Variants in TRIM68 observed in about 807,000 individuals in gnomAD.
TRIM68 encodes tripartite motif containing 68.
In TRIM68, 36 loss-of-function variants were observed where a neutral mutation model predicts 41.9. The ratio of observed to expected loss-of-function variants is 0.86; its 90% CI spans 0.66 to 1.14. The LOEUF (loss-of-function observed/expected upper bound fraction) is 1.14. TRIM68 is among the 50% of genes most tolerant of loss of function. TRIM68 has a pLI of 0.00. For missense variants in TRIM68, 632 were observed against 605.1 expected (o/e 1.04, Z -0.47); for synonymous variants, 225 against 224.6 (o/e 1.00, Z -0.02).
rs759325314 is a variant in TRIM68, at chr11:4,602,281, C to T, written c.654G>A (p.Arg218=). The change falls in exon 4 of 7, where the codon CGG becomes CGA. Residue 218 remains arginine (R), a synonymous_variant. Transcript: ENST00000300747. ...GTTTCTGCATGGTCTCCGCTGCCTC[C>T]CGCTGTAGGCTGGCCAGAGCTGCTG... ...EVAAALASLQ[R]EAAETMQKLE... 2.6e-5 allele frequency: 42 copies of T among 1,614,032 alleles called. No individual in the cohort carries two copies. The highest frequency in any genetic ancestry group is 3.3e-5 in the Non-Finnish European group (39 of 1,180,018).
chr11:4,605,004 T>C (rs1436374270), intron 2 of TRIM68, 75 bp downstream of exon 2: 4 of 1,522,084 alleles, frequency 2.6e-6, no homozygotes, highest in East Asian at 4.5e-5. Flanking sequence ...GTGGTGCTGG[T>C]GGTCAAGCCC....
intron 5 of TRIM68, 79 bp downstream of exon 5, chr11:4,601,585 T>C: frequency 6.6e-7 from 1 of 1,508,236 alleles, no homozygotes. Flanking sequence ...GAGTCTGTGC[T>C]CCGTCCCTAC....
At position 4,602,299 on chromosome 11, in the gene TRIM68, A is replaced by AGGT; in HGVS notation, c.635_636insACC (p.Ala212_Leu213insPro). ...CTGCCTCCCGCTGTAGGCTGGCCAG[A>AGGT]GCTGCTGCTACCTCTGCCCCCAGCT... is the stretch of plus-strand genomic sequence containing the variant. On this transcript the variant is annotated inframe_insertion, in exon 4 of 7. Transcript: ENST00000300747. 1.2e-6 allele frequency: 2 copies of AGGT among 1,614,168 alleles called. No individual in the cohort carries two copies. Among genetic ancestry groups the AGGT allele is most frequent in the Non-Finnish European group, 1.7e-6 (2 of 1,180,030 alleles).
chr11:4,601,747 A>G, intron 4 of TRIM68, 61 bp from the exon 5 acceptor site: 1 of 1,596,550 alleles, frequency 6.3e-7, no homozygotes. Context: ...GGGAACAGAC[A>G]TCGAACTGGC....
In TRIM68 at chr11:4,605,311, T is replaced by C. The variant is rs1421316533; in HGVS notation, c.194A>G (p.Gln65Arg). The change falls in exon 2 of 7, where the codon CAG becomes CGG. Residue 65 changes from glutamine (Q) to arginine (R), a missense_variant. Gln to Arg is a conservative substitution (Grantham distance 43). Transcript: ENST00000300747. Reference protein sequence around the residue: ...YTCPLCRAPVQPRNLRPNWQL... With the variant: ...YTCPLCRAPVRPRNLRPNWQL... The stretch of plus-strand genomic sequence containing the variant: ...CCAATTAGGCCGCAGGTTCCTTGGC[T>C]GGACAGGAGCTCGACAGAGGGGACA... 1 of 1,614,272 alleles carries C rather than the reference T, an allele frequency of 6.2e-7. No homozygotes were observed. Among genetic ancestry groups the C allele is most frequent in the Admixed American group, 1.7e-5 (1 of 60,038 alleles).
In TRIM68 at chr11:4,600,551, C is replaced by T; in HGVS notation, c.1183G>A (p.Val395Met). 6.2e-7 allele frequency: 1 copy of T among 1,614,126 alleles called. No homozygotes were observed. The highest frequency in any genetic ancestry group is 1.3e-5 in the African/African-American group (1 of 75,016). The change falls in exon 7 of 7, where the codon GTG (valine) becomes ATG (methionine). Residue 395 changes from valine (V) to methionine (M), a missense_variant. Physicochemically the swap from Val to Met is conservative, Grantham distance 21. Coordinates refer to ENST00000300747, the MANE Select transcript of TRIM68 (RefSeq NM_018073.8). ...TCATTTCCCTTCCTCAGCCTTATCACCCAGAATCCATAGTGGGGGGATAAG... is the reference window on the plus strand; with the variant it reads ...TCATTTCCCTTCCTCAGCCTTATCATCCAGAATCCATAGTGGGGGGATAAG... ...VYLSPHYGFWVIRLRKGNEYR... is the reference protein window; with the variant it reads ...VYLSPHYGFWMIRLRKGNEYR...
Position 4,603,150 on chromosome 11 carries a change from A to C in TRIM68, c.522+95T>G, listed in dbSNP as rs1345511978. Reference sequence around the variant, plus strand: ...TAGGCTCTGTGATTTCAAGCCTCACATTCTGCCTCACAGTGATGAGAATGC... The same window carrying C: ...TAGGCTCTGTGATTTCAAGCCTCACCTTCTGCCTCACAGTGATGAGAATGC... On this transcript the variant is annotated intron_variant, in intron 3 of 6. Transcript: ENST00000300747. 2.5e-6 allele frequency: 3 copies of C among 1,181,450 alleles called. No homozygotes were observed. In the East Asian group the frequency reaches 7.0e-5, roughly 28 times the overall value. 73.2% of individuals were successfully genotyped at this position (1,181,450 alleles called of 1,614,324 possible). A position where few individuals can be genotyped will look rare whatever the true frequency, so the allele number is the denominator to read the frequency against.
chr11:4,603,122 C>T, intron 3 of TRIM68, 123 bp downstream of exon 3: 3 of 942,664 alleles, frequency 3.2e-6, no homozygotes, highest in Middle Eastern at 2.1e-4. Flanking sequence ...GGGATTAGAA[C>T]CCTAGGCTCT....
At chr11:4,604,141 A>G (rs1846535740) in intron 2 of TRIM68, among the ~76,000 whole-genome samples, 1 of 152,184 alleles carries the variant, frequency 6.6e-6, no homozygotes, top group Non-Finnish European at 1.5e-5. Context: ...TCCCTTTTCT[A>G]ATAGTCTCAA....
intron 5 of TRIM68, 22 bp downstream of exon 5, chr11:4,601,642 G>A: frequency 6.2e-7 from 1 of 1,614,014 alleles, no homozygotes; most frequent in Non-Finnish European, 8.5e-7. Context: ...GCTGCTTAGA[G>A]GCTCCAAGGG....
At chr11:4,602,465 A>G (rs535161365) in intron 3 of TRIM68, 53 bp from the exon 4 acceptor site, 3 of 1,599,980 alleles carry the variant, frequency 1.9e-6, no homozygotes. Context: ...CCCAGTATCG[A>G]GCATACTGAC....
At position 4,603,302 on chromosome 11, in the gene TRIM68, C is replaced by A; in HGVS notation, c.465G>T (p.Glu155Asp). 1 of 1,614,232 alleles carries A rather than the reference C, an allele frequency of 6.2e-7. No homozygotes were observed. ...CTTCAAGCTTCCAGGCCTCTTCTTG[C>A]TCTTTCTTCAGATGTTCGAGGGCCT... The part of the protein sequence containing the change: ...LHEALEHLKK[E>D]QEEAWKLEVG... Residue 155 changes from glutamate (E) to aspartate (D), a missense_variant, in exon 3 of 7, where the codon GAG becomes GAT. Physicochemically the swap from Glu to Asp is conservative, Grantham distance 45 (BLOSUM62 2). Coordinates refer to ENST00000300747, the MANE Select transcript of TRIM68 (RefSeq NM_018073.8).
At position 4,608,144 on chromosome 11, in the gene TRIM68, G is replaced by C. The variant is rs927027779; in HGVS notation, c.-175C>G. 9 of 152,500 alleles carry C rather than the reference G, an allele frequency of 5.9e-5. No individual in the cohort carries two copies. The highest frequency in any genetic ancestry group is 2.1e-4 in the South Asian group (1 of 4,838). 9.4% of individuals were successfully genotyped at this position (152,500 alleles called of 1,614,324 possible). ...GCCGTTCCCGGCAGCTCAGCACTTA[G>C]GGCCAGAGAGCGGCAGAGGCCCAGA... is the stretch of plus-strand genomic sequence containing the variant. On this transcript the variant is annotated 5_prime_UTR_variant, in exon 1 of 7. Coordinates refer to ENST00000300747, the MANE Select transcript of TRIM68 (RefSeq NM_018073.8).
chr11:4,601,160 G>C (rs1440258239), intron 5 of TRIM68, 33 bp from the exon 6 acceptor site: 2 of 1,568,100 alleles, frequency 1.3e-6, no homozygotes, highest in Non-Finnish European at 1.8e-6. Context: ...AGGGCCAGGA[G>C]TCCCGGCTTT....
chr11:4,602,315 GC>G lies in TRIM68; in HGVS notation c.619del (p.Ala207GlnfsTer3). ...KKQPPHRQLG[A>X]EVAAALASLQ... is the part of the protein sequence containing the mutation. ...GCTGGCCAGAGCTGCTGCTACCTCTGCCCCCAGCTGCCGATGTGGTGGCTGC... is the reference window on the plus strand; with the variant it reads ...GCTGGCCAGAGCTGCTGCTACCTCTGCCCCAGCTGCCGATGTGGTGGCTGC... On this transcript the variant is annotated frameshift_variant, in exon 4 of 7. Coordinates refer to ENST00000300747, the MANE Select transcript of TRIM68 (RefSeq NM_018073.8). LOFTEE classifies it high-confidence loss of function. 6.2e-7 allele frequency: 1 copy of G among 1,614,112 alleles called. No individual in the cohort carries two copies. The highest frequency in any genetic ancestry group is 1.7e-5 in the Admixed American group (1 of 60,018).
rs533723878 is a variant in TRIM68 at position 4,603,614 on chromosome 11, T to C, written c.427-274A>G. ...TCCACAAAAGTACCTTGGACTTTCC[T>C]TTCCATGCCAATTTTTATCCTTATC... is the stretch of plus-strand genomic sequence containing the variant. On this transcript the variant is annotated intron_variant, in intron 2 of 6. Coordinates refer to ENST00000300747, the MANE Select transcript of TRIM68 (RefSeq NM_018073.8). Among the ~76,000 whole-genome samples the C allele has an allele frequency of 7.2e-5, 11 of 152,356 alleles. 1 individual carries two copies. In the South Asian group the frequency reaches 2.3e-3, roughly 32 times the overall value.
rs369825009 is a variant in TRIM68 at position 4,605,484 on chromosome 11, C to T, written c.21G>A (p.Val7=). The change falls in exon 2 of 7, where the codon GTG becomes GTA. Residue 7 remains valine (V), a synonymous_variant. Coordinates refer to ENST00000300747, the MANE Select transcript of TRIM68 (RefSeq NM_018073.8). Reference sequence around the variant, plus strand: ...AGGCCACTTCTTCCACAATGGCTTCCACCAAGGCTGTGGGATCCATGGTTC... The same window carrying T: ...AGGCCACTTCTTCCACAATGGCTTCTACCAAGGCTGTGGGATCCATGGTTC... MDPTAL[V]EAIVEEVACP... The T allele has an allele frequency of 1.2e-6, 2 of 1,608,518 alleles. No homozygotes were observed. Among genetic ancestry groups the T allele is most frequent in the Non-Finnish European group, 1.7e-6 (2 of 1,175,786 alleles).
chr11:4,607,368 G>A (rs532628708), intron 1 of TRIM68, among the ~76,000 whole-genome samples: 3 of 152,230 alleles, frequency 2.0e-5, no homozygotes, highest in South Asian at 2.1e-4. Context: ...AGTTCCAACC[G>A]ATAGTAGATT....
chr11:4,605,067 T>C lies in TRIM68; in HGVS notation c.426+12A>G, dbSNP rs1487111317. 1.2e-6 allele frequency: 2 copies of C among 1,611,558 alleles called. No homozygotes were observed. Among genetic ancestry groups the C allele is most frequent in the East Asian group, 4.5e-5 (2 of 44,852 alleles). On this transcript the variant is annotated intron_variant, in intron 2 of 6. Transcript: ENST00000300747. ...CGGGGTTAGACTGGAGTGGCCAGCT[T>C]CCATCTCTCACCTTGTACTCCCAGG... is the stretch of plus-strand genomic sequence containing the variant.
Sources: gnomAD v4.1 joint callset for allele counts (sites outside exome capture counted in the v4.1 genomes callset) on GRCh38, gnomAD v4.1.1 for gene constraint, MANE v1.5 for transcripts, NCBI Gene and HGNC (gene_info 2026-07-23, HGNC 2026-07-21) for gene names.